The following NPAS3 variants were observed in gnomAD, a reference collection of about 807,000 sequenced individuals.
NPAS3 encodes neuronal PAS domain protein 3.
NPAS3 carries 14 observed loss-of-function variants against 73.1 expected under a neutral mutation model. The observed-to-expected ratio is 0.19, with a 90% confidence interval of 0.13 to 0.30. The LOEUF (loss-of-function observed/expected upper bound fraction) is 0.30. Among genes scored for constraint, NPAS3 ranks in the 10% least tolerant of loss-of-function variants. NPAS3 has a pLI of 1.00. For synonymous variants in NPAS3, 620 were observed against 541.5 expected, an observed-to-expected ratio of 1.14 and a Z score of -2.01; for missense variants, 1,096 against 1,250.0, an observed-to-expected ratio of 0.88 and a Z score of 1.86.
intron 7 of NPAS3, among the ~76,000 whole-genome samples, chr14:33,754,677 C>T (rs1047461609): frequency 2.6e-5 from 4 of 152,198 alleles, no homozygotes; most frequent in African/African-American, 7.2e-5. Context: ...AACAGCACAG[C>T]ATCTTTACTG....
chr14:33,592,188 AG>A (rs1300194865), intron 5 of NPAS3, among the ~76,000 whole-genome samples: 13 of 152,216 alleles, frequency 8.5e-5, no homozygotes, highest in Admixed American at 5.2e-4. Flanking sequence ...ATGGACCACT[AG>A]GAAAATTATC....
At chr14:33,750,014 A>T (rs994831010) in intron 7 of NPAS3, among the ~76,000 whole-genome samples, 7 of 152,178 alleles carry the variant, frequency 4.6e-5, no homozygotes, top group African/African-American at 1.7e-4. Flanking sequence ...TAATCATGCC[A>T]TCCAGTCCTA....
At chr14:33,283,871 A>G (rs1322202218) in intron 3 of NPAS3, among the ~76,000 whole-genome samples, 2 of 152,186 alleles carry the variant, frequency 1.3e-5, no homozygotes, top group Non-Finnish European at 2.9e-5. Flanking sequence ...GTGGTTAGGC[A>G]TCTCATAACT....
chr14:33,196,177 A>T (rs1183176626), intron 2 of NPAS3, among the ~76,000 whole-genome samples: 1 of 152,194 alleles, frequency 6.6e-6, no homozygotes, highest in African/African-American at 2.4e-5. Flanking sequence ...ATTTTTCCTT[A>T]CATTGAATAG....
chr14:33,442,226 A>T (rs1177339844), intron 4 of NPAS3, among the ~76,000 whole-genome samples: 1 of 152,046 alleles, frequency 6.6e-6, no homozygotes, highest in African/African-American at 2.4e-5. Flanking sequence ...CAGCCACTTC[A>T]CTGTTTATTT....
chr14:33,524,015 A>C (rs1340511799), intron 4 of NPAS3, among the ~76,000 whole-genome samples: 1 of 152,190 alleles, frequency 6.6e-6, no homozygotes, highest in Non-Finnish European at 1.5e-5. Flanking sequence ...GCCAAAAATA[A>C]CTATAACTAT....
At chr14:33,784,858 C>G (rs1347421256) in intron 9 of NPAS3, among the ~76,000 whole-genome samples, 3 of 144,802 alleles carry the variant, frequency 2.1e-5, no homozygotes, top group Non-Finnish European at 4.5e-5. Flanking sequence ...TCAAGCAATT[C>G]TCCTGCCTCA....
intron 2 of NPAS3, among the ~76,000 whole-genome samples, chr14:33,183,588 C>G (rs1191873705): frequency 1.3e-5 from 2 of 151,918 alleles, no homozygotes; most frequent in Non-Finnish European, 2.9e-5. Flanking sequence ...TCTGCCTAGA[C>G]AGACCCACAT....
intron 4 of NPAS3, among the ~76,000 whole-genome samples, chr14:33,476,167 T>C (rs1036071004): frequency 6.6e-6 from 1 of 152,232 alleles, no homozygotes; most frequent in African/African-American, 2.4e-5. Flanking sequence ...AGATATGAGC[T>C]GTCAGAAAGA....
chr14:33,736,262 C>T (rs2061521602), intron 7 of NPAS3, among the ~76,000 whole-genome samples: 1 of 152,156 alleles, frequency 6.6e-6, no homozygotes, highest in Non-Finnish European at 1.5e-5. Flanking sequence ...CAAAACCTTA[C>T]CTAAGCCATC....
At chr14:33,686,754 T>C (rs1206551940) in intron 6 of NPAS3, among the ~76,000 whole-genome samples, 2 of 152,144 alleles carry the variant, frequency 1.3e-5, no homozygotes, top group Admixed American at 1.3e-4. Context: ...CTTCCTCCAG[T>C]GTGCCTCTAA....
intron 6 of NPAS3, among the ~76,000 whole-genome samples, chr14:33,724,397 A>C (rs1429237126): frequency 7.9e-5 from 12 of 152,130 alleles, no homozygotes; most frequent in Admixed American, 6.5e-4. Flanking sequence ...ACTTTGGGAG[A>C]CCAAGGCAGG....
At chr14:33,143,047 A>G (rs1215525716) in intron 2 of NPAS3, among the ~76,000 whole-genome samples, 1 of 152,160 alleles carries the variant, frequency 6.6e-6, no homozygotes, top group Middle Eastern at 3.4e-3. Context: ...GGAGGTTGCA[A>G]TGAGCTGAGG....
intron 5 of NPAS3, among the ~76,000 whole-genome samples, chr14:33,598,065 A>C (rs763344728): frequency 6.6e-6 from 1 of 152,190 alleles, no homozygotes; most frequent in Non-Finnish European, 1.5e-5. Flanking sequence ...CTGTGATTTC[A>C]TGAGTGGATA....
chr14:33,222,197 G>T (rs1480923348), intron 3 of NPAS3, among the ~76,000 whole-genome samples: 7 of 152,220 alleles, frequency 4.6e-5, no homozygotes, highest in African/African-American at 1.7e-4. Flanking sequence ...AGGGTCTTCA[G>T]GGAGGAGAAG....
intron 2 of NPAS3, among the ~76,000 whole-genome samples, chr14:33,083,373 T>C (rs534501905): frequency 1.3e-5 from 2 of 152,194 alleles, no homozygotes; most frequent in African/African-American, 4.8e-5. Flanking sequence ...AGTAGCTATA[T>C]TGGCAACTAA....
intron 1 of NPAS3, among the ~76,000 whole-genome samples, chr14:33,002,870 A>G (rs2038858460): frequency 6.6e-6 from 1 of 152,026 alleles, no homozygotes; most frequent in Admixed American, 6.6e-5. Flanking sequence ...GAGTTAGGAG[A>G]CCAGTGATCT....
At chr14:33,183,922 G>A (rs2045893866) in intron 2 of NPAS3, among the ~76,000 whole-genome samples, 1 of 152,020 alleles carries the variant, frequency 6.6e-6, no homozygotes, top group Admixed American at 6.5e-5. Flanking sequence ...TGCCCCTTTT[G>A]TTCCAAGACA....
intron 5 of NPAS3, among the ~76,000 whole-genome samples, chr14:33,569,585 G>T (rs994956670): frequency 3.4e-4 from 52 of 151,882 alleles, no homozygotes; most frequent in African/African-American, 1.2e-3. Context: ...AGGACCCCAG[G>T]TAATCCTGTT....
Sources: gnomAD v4.1 joint callset for allele counts (sites outside exome capture counted in the v4.1 genomes callset) on GRCh38, gnomAD v4.1.1 for gene constraint, MANE v1.5 for transcripts, NCBI Gene and HGNC (gene_info 2026-07-23, HGNC 2026-07-21) for gene names.